The following SHC3 variants were observed in gnomAD, a reference collection of about 807,000 sequenced individuals.
SHC3 encodes SHC adaptor protein 3, also known as SHC-transforming protein 3.
A neutral mutation model predicts 60.4 loss-of-function variants in SHC3; 15 were observed. The ratio of observed to expected loss-of-function variants is 0.25; its 90% CI spans 0.17 to 0.38. The LOEUF (loss-of-function observed/expected upper bound fraction) is 0.38. SHC3 is among the 10% of genes least tolerant of loss of function. The probability of loss-of-function intolerance (pLI) is 1.00; values close to 1 mark genes in which losing one functional copy is unlikely to be tolerated. For missense variants in SHC3, 677 were observed against 786.1 expected, an observed-to-expected ratio of 0.86 and a Z score of 1.66; for synonymous variants, 294 against 325.9, an observed-to-expected ratio of 0.90 and a Z score of 1.05.
intron 1 of SHC3, among the ~76,000 whole-genome samples, chr9:89,137,832 G>T (rs1826339717): frequency 6.6e-6 from 1 of 152,176 alleles, no homozygotes; most frequent in African/African-American, 2.4e-5. Context: ...CAATTCATCA[G>T]GAGCAAGAGG....
At chr9:89,037,861 G>A (rs1306179432) in intron 11 of SHC3, 132 bp downstream of exon 11, 11 of 1,181,548 alleles carry the variant, frequency 9.3e-6, no homozygotes, top group Admixed American at 2.7e-5. Flanking sequence ...CTGTCCCTGC[G>A]TTCCCCTGGA....
chr9:89,111,739 G>A (rs546637774), intron 2 of SHC3, among the ~76,000 whole-genome samples: 15 of 152,210 alleles, frequency 9.9e-5, no homozygotes, highest in African/African-American at 3.1e-4. Context: ...CTTTAGACTT[G>A]GTTTGCTAAT....
chr9:89,111,376 A>T (rs574493018), intron 2 of SHC3, among the ~76,000 whole-genome samples: 1 of 152,210 alleles, frequency 6.6e-6, no homozygotes, highest in East Asian at 1.9e-4. Context: ...ATACCTTTTC[A>T]TGGGTAAGGT....
At chr9:89,116,321 CA>C (rs1489162764) in intron 1 of SHC3, among the ~76,000 whole-genome samples, 1 of 152,146 alleles carries the variant, frequency 6.6e-6, no homozygotes. Flanking sequence ...AACACCATGA[CA>C]AACTTTGCAG....
At position 89,013,331 on chromosome 9, in the gene SHC3, GC is replaced by G; in HGVS notation, c.*115del. 1 of 1,278,500 alleles carries G rather than the reference GC, an allele frequency of 7.8e-7. No homozygotes were observed. Among genetic ancestry groups the G allele is most frequent in the Non-Finnish European group, 1.0e-6 (1 of 980,052 alleles). 79.2% of individuals were successfully genotyped at this position (1,278,500 alleles called of 1,614,324 possible). On this transcript the variant is annotated 3_prime_UTR_variant, in exon 12 of 12. Transcript: ENST00000375835. ...CCTTAAAGGAAGCCTTCCTTTTGAA[GC>G]TTTTGAAGAAGGCTCTGAGCCACAG...
chr9:89,099,365 C>A (rs1322975688), intron 2 of SHC3, among the ~76,000 whole-genome samples: 1 of 152,180 alleles, frequency 6.6e-6, no homozygotes, highest in Non-Finnish European at 1.5e-5. Flanking sequence ...TCTTCACATG[C>A]CAATTTCAAC....
chr9:89,108,209 C>T (rs117880084), intron 2 of SHC3, among the ~76,000 whole-genome samples: 286 of 152,204 alleles, frequency 1.9e-3, no homozygotes, highest in East Asian at 6.8e-3. Context: ...TGTCTAATGA[C>T]GCATCTCTCA....
intron 11 of SHC3, among the ~76,000 whole-genome samples, chr9:89,031,371 T>G (rs537358388): frequency 6.6e-6 from 1 of 152,300 alleles, no homozygotes; most frequent in East Asian, 1.9e-4. Flanking sequence ...ATGCCATACC[T>G]TTCAGCTATC....
chr9:89,008,349 G>C lies in SHC3; in HGVS notation c.*5098C>G, dbSNP rs77769965. ...GTGAAAGCATAATTATAAATTAGAGGGGGGAAAGCCATCAATAAGAGACAG... is the reference window on the plus strand; with the variant it reads ...GTGAAAGCATAATTATAAATTAGAGCGGGGAAAGCCATCAATAAGAGACAG... On this transcript the variant is annotated 3_prime_UTR_variant, in exon 12 of 12. Coordinates refer to ENST00000375835, the MANE Select transcript of SHC3 (RefSeq NM_016848.6). 2.5e-3 allele frequency: 373 copies of C among 152,224 alleles called. No individual in the cohort carries two copies. Among genetic ancestry groups the C allele is most frequent in the African/African-American group, 8.3e-3 (344 of 41,526 alleles). The allele number at this position is 152,224 out of a possible 1,614,324, so 9.4% of individuals were successfully genotyped here.
intron 1 of SHC3, among the ~76,000 whole-genome samples, chr9:89,167,500 C>A (rs934349427): frequency 3.3e-5 from 5 of 152,178 alleles, no homozygotes; most frequent in African/African-American, 1.2e-4. Flanking sequence ...AAGGAGGCTT[C>A]TCAGCATGTG....
At chr9:89,078,244 C>T (rs1469325034) in intron 2 of SHC3, among the ~76,000 whole-genome samples, 2 of 151,792 alleles carry the variant, frequency 1.3e-5, no homozygotes, top group East Asian at 1.9e-4. Context: ...ATTCTCTTCC[C>T]GACACTGTGA....
chr9:89,075,133 G>A lies in SHC3; in HGVS notation c.705C>T (p.Asn235=). The A allele has an allele frequency of 6.2e-7, 1 of 1,614,090 alleles. No individual in the cohort carries two copies. Among genetic ancestry groups the A allele is most frequent in the East Asian group, 2.2e-5 (1 of 44,884 alleles). ...CCTGTTTGGAGTCCGGAGTTCGCAGGTTCAGACTGGCCGTGGAGATGGTCA... is the reference window on the plus strand; with the variant it reads ...CCTGTTTGGAGTCCGGAGTTCGCAGATTCAGACTGGCCGTGGAGATGGTCA... ...ISLTISTASL[N]LRTPDSKQII... The change falls in exon 4 of 12, where the codon AAC becomes AAT. Residue 235 remains asparagine, a synonymous_variant. Coordinates refer to ENST00000375835, the MANE Select transcript of SHC3 (RefSeq NM_016848.6).
chr9:89,026,794 C>G (rs1017172710), intron 11 of SHC3, among the ~76,000 whole-genome samples: 7 of 152,198 alleles, frequency 4.6e-5, no homozygotes, highest in African/African-American at 2.4e-5. Context: ...GAGGAGTGAG[C>G]CTGACCTTGA....
intron 1 of SHC3, among the ~76,000 whole-genome samples, chr9:89,123,404 A>G (rs769746218): frequency 6.6e-6 from 1 of 152,128 alleles, no homozygotes; most frequent in African/African-American, 2.4e-5. Context: ...TCCCTCCTCA[A>G]TGATCCTCTT....
chr9:89,043,411 G>A (rs1473332116), intron 9 of SHC3, among the ~76,000 whole-genome samples: 1 of 152,168 alleles, frequency 6.6e-6, no homozygotes, highest in African/African-American at 2.4e-5. Context: ...TGTGTACATT[G>A]CAAACGAATC....
chr9:89,112,567 T>G lies in SHC3; in HGVS notation c.534A>C (p.Thr178=). The part of the protein sequence containing the change: ...SMRSLDFSTR[T]QITREAISRV... ...TCAAGAGGGCTTACCTGGTAATTTG[T>G]GTTCTTGTACTGAAGTCAAGAGACC... The change falls in exon 2 of 12, where the codon ACA becomes ACC. Residue 178 remains threonine (T), a synonymous_variant. Coordinates refer to ENST00000375835, the MANE Select transcript of SHC3 (RefSeq NM_016848.6). The G allele has an allele frequency of 6.2e-7, 1 of 1,604,574 alleles. No homozygotes were observed. Among genetic ancestry groups the G allele is most frequent in the Non-Finnish European group, 8.5e-7 (1 of 1,176,248 alleles).
chr9:89,177,717 G>A (rs2118283453), intron 1 of SHC3, among the ~76,000 whole-genome samples: 1 of 152,334 alleles, frequency 6.6e-6, no homozygotes, highest in African/African-American at 2.4e-5. Context: ...GGTGGCAAAG[G>A]CGTGCCAAAA....
intron 7 of SHC3, among the ~76,000 whole-genome samples, chr9:89,049,250 G>A (rs957392000): frequency 1.1e-4 from 17 of 151,446 alleles, no homozygotes; most frequent in African/African-American, 4.1e-4. Flanking sequence ...GACAGAGCCA[G>A]ACTCCCTCTT....
chr9:89,051,653 T>C (rs1824863727), intron 7 of SHC3, among the ~76,000 whole-genome samples: 1 of 152,200 alleles, frequency 6.6e-6, no homozygotes, highest in South Asian at 2.1e-4. Flanking sequence ...TAGCACGACT[T>C]TGGCTAATCG....
Sources: allele counts gnomAD v4.1 joint callset (sites outside exome capture counted in the v4.1 genomes callset), GRCh38; gene constraint gnomAD v4.1.1; transcripts MANE v1.5; gene names NCBI Gene and HGNC (gene_info 2026-07-23, HGNC 2026-07-21).